WDR37: variants seen among roughly 807,000 people sequenced by gnomAD.
The protein encoded by WDR37 is WD repeat-containing protein 37.
Under a neutral mutation model 62.9 loss-of-function variants are expected in WDR37, and 19 were observed. The observed-to-expected ratio is 0.30, with a 90% CI of 0.21 to 0.44. WDR37 has a LOEUF of 0.44. WDR37 is among the 20% of genes least tolerant of loss of function. WDR37 has a pLI of 1.00. For missense variants in WDR37, 474 were observed against 657.6 expected, an observed-to-expected ratio of 0.72 and a Z score of 3.05; for synonymous variants, 250 against 260.9, an observed-to-expected ratio of 0.96 and a Z score of 0.40.
intron 7 of WDR37, among the ~76,000 whole-genome samples, chr10:1,087,690 T>A (rs919467110): frequency 1.3e-5 from 2 of 152,168 alleles, no homozygotes; most frequent in Admixed American, 1.3e-4. Context: ...GTTGTTCCAT[T>A]TATGGAGGAC....
chr10:1,073,226 A>G (rs1331430288), intron 2 of WDR37, among the ~76,000 whole-genome samples: 2 of 152,236 alleles, frequency 1.3e-5, no homozygotes, highest in Non-Finnish European at 2.9e-5. Context: ...GTATATAACT[A>G]TATGTAAACT....
Position 1,067,960 on chromosome 10 carries a change from A to G in WDR37, c.-40-4156A>G, listed in dbSNP as rs1263626162. Among the ~76,000 whole-genome samples the G allele has an allele frequency of 2.0e-5, 3 of 152,346 alleles. No homozygotes were observed. The East Asian group carries it at 5.8e-4, about 29-fold the overall frequency. On this transcript the variant is annotated intron_variant, in intron 1 of 13. Coordinates refer to ENST00000263150, the MANE Select transcript of WDR37 (RefSeq NM_014023.4). ...ACCAGAGGCCATTATTTTAAGTGAA[A>G]TAAGCCAGGCACAAAAAGTCATGTC... is the stretch of plus-strand genomic sequence containing the variant.
intron 1 of WDR37, among the ~76,000 whole-genome samples, chr10:1,069,385 A>ATTTTTTTTTTTTTT (rs1564496938): frequency 1.3e-3 from 38 of 28,442 alleles, no homozygotes; most frequent in Non-Finnish European, 1.9e-3. Flanking sequence ...ATATATATAT[A>ATTTTTTTTTTTTTT]TATATTTTTT....
intron 11 of WDR37, among the ~76,000 whole-genome samples, chr10:1,116,882 C>T (rs1835417212): frequency 6.6e-6 from 1 of 151,688 alleles, no homozygotes; most frequent in African/African-American, 2.4e-5. Flanking sequence ...CACACCTAGG[C>T]CCAGTGGTTC....
At chr10:1,068,316 C>T (rs901132778) in intron 1 of WDR37, among the ~76,000 whole-genome samples, 1 of 142,856 alleles carries the variant, frequency 7.0e-6, no homozygotes, top group African/African-American at 2.7e-5. Context: ...CCCGTCTCTA[C>T]TAAAAATACA....
intron 11 of WDR37, among the ~76,000 whole-genome samples, chr10:1,108,219 C>CT (rs1337995736): frequency 2.6e-5 from 4 of 152,174 alleles, no homozygotes; most frequent in African/African-American, 9.7e-5. Context: ...GTCTTTGATA[C>CT]TTTTTTTAGA....
At chr10:1,113,401 AC>A (rs894285485) in intron 11 of WDR37, among the ~76,000 whole-genome samples, 1 of 152,086 alleles carries the variant, frequency 6.6e-6, no homozygotes, top group East Asian at 1.9e-4. Flanking sequence ...TGGTAACACA[AC>A]CCCCATTCTG....
At chr10:1,070,289 T>C (rs1833688921) in intron 1 of WDR37, among the ~76,000 whole-genome samples, 1 of 152,100 alleles carries the variant, frequency 6.6e-6, no homozygotes, top group Non-Finnish European at 1.5e-5. Flanking sequence ...TGTGATTAAG[T>C]TAAAGCTTTT....
intron 1 of WDR37, among the ~76,000 whole-genome samples, chr10:1,071,624 T>G (rs180735880): frequency 3.5e-4 from 53 of 152,380 alleles, no homozygotes; most frequent in Non-Finnish European, 6.5e-4. Flanking sequence ...TTGTTTTTTA[T>G]GTTGACTATA....
chr10:1,121,204 C>A lies in WDR37; in HGVS notation c.1104-3014C>A, dbSNP rs1180186193. Among the ~76,000 whole-genome samples, 2 of 152,200 alleles carry A rather than the reference C, an allele frequency of 1.3e-5. No homozygotes were observed. Among genetic ancestry groups the A allele is most frequent in the Non-Finnish European group, 2.9e-5 (2 of 68,038 alleles). On this transcript the variant is annotated intron_variant, in intron 11 of 13. Transcript: ENST00000263150. This position sits in a 1 kb window ranked among gnomAD's most constrained non-coding sequence, Gnocchi z 4.5. ...TGTCAGGATTGTGATTTATTAAAAA[C>A]CTAATGTCTTTTAGCATTTCATTAA...
At chr10:1,074,654 A>AG (rs1833814930) in intron 2 of WDR37, 1 of 616,544 alleles carries the variant, frequency 1.6e-6, no homozygotes. Flanking sequence ...GGTAGGTGTG[A>AG]GGGGGGCGAT....
intron 11 of WDR37, among the ~76,000 whole-genome samples, chr10:1,119,770 G>A (rs1242136834): frequency 4.6e-5 from 7 of 152,196 alleles, no homozygotes; most frequent in South Asian, 2.1e-4. Context: ...GACGAGGAGC[G>A]GGGCCTGCAC....
At chr10:1,070,816 A>G (rs1476449858) in intron 1 of WDR37, among the ~76,000 whole-genome samples, 1 of 152,248 alleles carries the variant, frequency 6.6e-6, no homozygotes, top group East Asian at 1.9e-4. Context: ...AAAAGAAGGG[A>G]ACGCTAGTGA....
At chr10:1,086,127 T>C (rs77865877) in intron 6 of WDR37, among the ~76,000 whole-genome samples, 159 bp from the exon 7 acceptor site, 1 of 152,352 alleles carries the variant, frequency 6.6e-6, no homozygotes, top group East Asian at 1.9e-4. Context: ...AAATGTTTTC[T>C]TTGATCAATT....
At chr10:1,128,852 TGGTCCATGCTCGGC>T (rs1166743819) in intron 13 of WDR37, among the ~76,000 whole-genome samples, 2 of 149,722 alleles carry the variant, frequency 1.3e-5, no homozygotes, top group South Asian at 2.1e-4. Flanking sequence ...TCCTGCTCAG[TGGTCCATGCTCGGC>T]GGTCCATGCT....
intron 1 of WDR37, among the ~76,000 whole-genome samples, chr10:1,064,766 A>G (rs1038460316): frequency 1.3e-5 from 2 of 151,608 alleles, no homozygotes; most frequent in East Asian, 1.9e-4. Context: ...CTAGTTTTGT[A>G]TTTTTAGTAG....
intron 13 of WDR37, among the ~76,000 whole-genome samples, chr10:1,127,769 C>T (rs1028298617): frequency 1.3e-5 from 2 of 151,900 alleles, no homozygotes; most frequent in Non-Finnish European, 2.9e-5. Context: ...CGTGGGGCCC[C>T]GTGCTGAGCG....
intron 1 of WDR37, among the ~76,000 whole-genome samples, chr10:1,068,192 G>A (rs969720680): frequency 2.0e-5 from 3 of 152,028 alleles, no homozygotes; most frequent in African/African-American, 7.2e-5. Flanking sequence ...TAAGAAAGCA[G>A]TATCTTAGGC....
At chr10:1,070,278 T>C (rs953421337) in intron 1 of WDR37, among the ~76,000 whole-genome samples, 5 of 152,116 alleles carry the variant, frequency 3.3e-5, no homozygotes, top group Non-Finnish European at 5.9e-5. Flanking sequence ...TACTAGAAGC[T>C]TGTGATTAAG....
Sources: allele counts gnomAD v4.1 joint callset (sites outside exome capture counted in the v4.1 genomes callset), GRCh38; gene constraint gnomAD v4.1.1; non-coding constraint Gnocchi (gnomAD v3.1); transcripts MANE v1.5; gene names NCBI Gene and HGNC (gene_info 2026-07-23, HGNC 2026-07-21).